Variants in FAM83B observed in about 807,000 individuals in gnomAD.
The protein encoded by FAM83B is scaffolding CK1 anchoring protein B.
In FAM83B, 26 loss-of-function variants were observed where a neutral mutation model predicts 38.8. That is an observed-to-expected ratio of 0.67 (90% confidence interval 0.49 to 0.93). The LOEUF (loss-of-function observed/expected upper bound fraction) is 0.93. FAM83B is among the 40% of genes least tolerant of loss of function. The probability of loss-of-function intolerance (pLI) is 0.00; values close to 1 mark genes in which losing one functional copy is unlikely to be tolerated. For synonymous variants in FAM83B, 419 were observed against 423.1 expected (o/e 0.99, Z 0.12); for missense variants, 1,237 against 1,197.3 (o/e 1.03, Z -0.49).
Position 54,941,819 on chromosome 6 carries a change from A to G in FAM83B, c.2848A>G (p.Thr950Ala). ...FCKIESSIQP[T>A]SNMPNTSINR... ...TAAGATTGAGAGCTCTATTCAGCCA[A>G]CAAGCAACATGCCAAATACCAGTAT... Residue 950 changes from threonine to alanine, a missense_variant, in exon 5 of 5, where the codon ACA becomes GCA. Thr to Ala is a moderately conservative substitution (Grantham distance 58, BLOSUM62 0). Coordinates refer to ENST00000306858, the MANE Select transcript of FAM83B (RefSeq NM_001010872.3). The G allele has an allele frequency of 1.2e-6, 2 of 1,614,148 alleles. No individual in the cohort carries two copies. Among genetic ancestry groups the G allele is most frequent in the Non-Finnish European group, 1.7e-6 (2 of 1,180,010 alleles).
intron 2 of FAM83B, among the ~76,000 whole-genome samples, chr6:54,907,175 G>A (rs773295434): frequency 6.6e-6 from 1 of 152,056 alleles, no homozygotes; most frequent in Non-Finnish European, 1.5e-5. Flanking sequence ...ACGTATTCCA[G>A]CCTCTTTTGT....
chr6:54,885,083 CTTT>C lies in FAM83B; in HGVS notation c.444+14397_444+14399del, dbSNP rs563482882. ...CACTGCGCCCGGCCCAGTAACAATA[CTTT>C]TTTCAGTATTGCCTTGGCTACTCTA... On this transcript the variant is annotated intron_variant, in intron 2 of 4. Transcript: ENST00000306858. Among the ~76,000 whole-genome samples the C allele has an allele frequency of 2.3e-3, 348 of 152,028 alleles. 1 individual carries two copies. Among genetic ancestry groups the C allele is most frequent in the Non-Finnish European group, 3.1e-3 (212 of 67,980 alleles).
At chr6:54,865,699 A>T (rs1407685148) in intron 1 of FAM83B, among the ~76,000 whole-genome samples, 2 of 152,090 alleles carry the variant, frequency 1.3e-5, no homozygotes, top group Non-Finnish European at 2.9e-5. Flanking sequence ...CTTTTGATTT[A>T]AAAAAGCTGT....
intron 1 of FAM83B, among the ~76,000 whole-genome samples, chr6:54,865,777 G>A (rs1217827606): frequency 6.6e-6 from 1 of 152,006 alleles, no homozygotes; most frequent in East Asian, 1.9e-4. Flanking sequence ...ATTCTCTCAG[G>A]TCAGAAACTA....
intron 2 of FAM83B, among the ~76,000 whole-genome samples, chr6:54,889,749 G>A (rs907149319): frequency 2.0e-5 from 3 of 152,066 alleles, no homozygotes; most frequent in Non-Finnish European, 4.4e-5. Context: ...GAGGATATAT[G>A]TGTAGACTTT....
rs1773762925 is a variant in FAM83B, at chr6:54,944,484, A to T, written c.*2477A>T. 1 of 152,198 alleles carries T rather than the reference A, an allele frequency of 6.6e-6. No homozygotes were observed. Among genetic ancestry groups the T allele is most frequent in the South Asian group, 2.1e-4 (1 of 4,830 alleles). 9.4% of individuals were successfully genotyped at this position (152,198 alleles called of 1,614,324 possible). A position where few individuals can be genotyped will look rare whatever the true frequency, so the allele number is the denominator to read the frequency against. ...GTGACCCTGTATCCCGAATACACAG[A>T]TATCCCTCTATTACAAGTTTGGGAT... is the stretch of plus-strand genomic sequence containing the variant. On this transcript the variant is annotated 3_prime_UTR_variant, in exon 5 of 5. Transcript: ENST00000306858.
intron 1 of FAM83B, among the ~76,000 whole-genome samples, chr6:54,869,436 ACTC>A (rs1256638291): frequency 6.7e-6 from 1 of 149,844 alleles, no homozygotes; most frequent in Non-Finnish European, 1.5e-5. Context: ...TTTATCTCTT[ACTC>A]CTGTTAAAAG....
At chr6:54,872,997 TG>T (rs869062868) in intron 2 of FAM83B, among the ~76,000 whole-genome samples, 4 of 150,858 alleles carry the variant, frequency 2.7e-5, no homozygotes, top group Admixed American at 6.6e-5. Flanking sequence ...ACATGGTTTT[TG>T]TTTTTAATTT....
intron 2 of FAM83B, among the ~76,000 whole-genome samples, chr6:54,908,033 G>GA (rs1036069975): frequency 6.7e-6 from 1 of 149,986 alleles, no homozygotes; most frequent in Admixed American, 6.6e-5. Context: ...TTTAGAGGAT[G>GA]AAAAAAAAGT....
chr6:54,870,139 G>A, intron 1 of FAM83B, 48 bp from the exon 2 acceptor site: 1 of 820,856 alleles, frequency 1.2e-6, no homozygotes, highest in Non-Finnish European at 2.0e-6. Flanking sequence ...AAAACATTCT[G>A]TTACCGAATT....
chr6:54,922,671 G>A (rs1314349003), intron 2 of FAM83B, among the ~76,000 whole-genome samples: 1 of 152,014 alleles, frequency 6.6e-6, no homozygotes, highest in Non-Finnish European at 1.5e-5. Context: ...AATCTGATTG[G>A]AGTATGTTTC....
At chr6:54,892,188 G>A (rs1772418863) in intron 2 of FAM83B, among the ~76,000 whole-genome samples, 2 of 152,000 alleles carry the variant, frequency 1.3e-5, no homozygotes, top group African/African-American at 2.4e-5. Flanking sequence ...CATTCTGCAA[G>A]TGCCAAAGAA....
At chr6:54,869,789 C>CA (rs1253442499) in intron 1 of FAM83B, among the ~76,000 whole-genome samples, 4 of 152,154 alleles carry the variant, frequency 2.6e-5, no homozygotes, top group Non-Finnish European at 5.9e-5. Context: ...TTTTTGCGTA[C>CA]AATTTGCCTC....
chr6:54,909,731 A>T (rs1772862772), intron 2 of FAM83B, among the ~76,000 whole-genome samples: 1 of 152,216 alleles, frequency 6.6e-6, no homozygotes, highest in Non-Finnish European at 1.5e-5. Flanking sequence ...GAATAAAATA[A>T]ACACTCCACT....
chr6:54,854,727 C>G (rs573162695), intron 1 of FAM83B, among the ~76,000 whole-genome samples: 1 of 152,288 alleles, frequency 6.6e-6, no homozygotes, highest in African/African-American at 2.4e-5. Flanking sequence ...ATTGTGGTGT[C>G]TGGAACCCAA....
At chr6:54,892,266 T>C (rs1772421453) in intron 2 of FAM83B, among the ~76,000 whole-genome samples, 1 of 145,762 alleles carries the variant, frequency 6.9e-6, no homozygotes, top group Non-Finnish European at 1.5e-5. Context: ...CCTCTGAATC[T>C]TTTTTTTTTT....
At position 54,940,958 on chromosome 6, in the gene FAM83B, C is replaced by T. The variant is rs769006497; in HGVS notation, c.1987C>T (p.Arg663Ter). ...ACAGACTGAGAATCTACTTAAAAGG[C>T]GAAGTTTCCCGTTATTTGACAACTC... Reference protein sequence around the residue: ...NQQTENLLKRRSFPLFDNSKA... With the variant: ...NQQTENLLKR The change falls in exon 5 of 5, where the codon CGA becomes TGA. Residue 663 changes from arginine (R) to a stop codon, truncating the protein, a stop_gained. Coordinates refer to ENST00000306858, the MANE Select transcript of FAM83B (RefSeq NM_001010872.3). LOFTEE classifies it high-confidence loss of function. 14 of 1,613,556 alleles carry T rather than the reference C, an allele frequency of 8.7e-6. No homozygotes were observed. The East Asian group carries it at 8.9e-5, about 10-fold the overall frequency.
intron 4 of FAM83B, among the ~76,000 whole-genome samples, chr6:54,928,761 T>C (rs1773362832): frequency 6.6e-6 from 1 of 152,166 alleles, no homozygotes; most frequent in East Asian, 1.9e-4. Flanking sequence ...GTAGAATCAT[T>C]GTTATTTAAG....
At chr6:54,913,901 T>A (rs545996214) in intron 2 of FAM83B, among the ~76,000 whole-genome samples, 162 of 149,142 alleles carry the variant, frequency 1.1e-3, no homozygotes, top group South Asian at 3.4e-3. Context: ...GTCTTTTTTT[T>A]TTAAAAAAAA....
Sources: allele counts gnomAD v4.1 joint callset (sites outside exome capture counted in the v4.1 genomes callset), GRCh38; gene constraint gnomAD v4.1.1; transcripts MANE v1.5; gene names NCBI Gene and HGNC (gene_info 2026-07-23, HGNC 2026-07-21).